The following LAPTM4B variants were observed in gnomAD, a reference collection of about 807,000 sequenced individuals.
LAPTM4B encodes lysosomal-associated transmembrane protein 4B.
LAPTM4B carries 26 observed loss-of-function variants against 28.5 expected under a neutral mutation model. That is an observed-to-expected ratio of 0.91 (90% CI 0.67 to 1.27). LAPTM4B has a LOEUF of 1.27. LAPTM4B is among the 50% of genes most tolerant of loss of function. The probability of loss-of-function intolerance (pLI) is 0.00; values close to 1 mark genes in which losing one functional copy is unlikely to be tolerated. For synonymous variants in LAPTM4B, 109 were observed against 106.4 expected (o/e 1.02, Z -0.15); for missense variants, 288 against 285.8 (o/e 1.01, Z -0.06).
intron 6 of LAPTM4B, among the ~76,000 whole-genome samples, chr8:97,844,078 G>A (rs911736961): frequency 6.7e-5 from 10 of 149,294 alleles, no homozygotes; most frequent in East Asian, 5.9e-4. Context: ...CTTATTTTGC[G>A]TGATGATTTT....
At chr8:97,795,610 TG>T (rs780396060) in intron 1 of LAPTM4B, among the ~76,000 whole-genome samples, 9 of 151,998 alleles carry the variant, frequency 5.9e-5, no homozygotes, top group Non-Finnish European at 1.2e-4. Flanking sequence ...CCCAGCATCT[TG>T]GGGGGCTGAG....
chr8:97,833,030 G>T (rs1453443800), intron 6 of LAPTM4B, among the ~76,000 whole-genome samples: 2 of 149,310 alleles, frequency 1.3e-5, no homozygotes, highest in East Asian at 4.1e-4. Flanking sequence ...TTTGTTAAAA[G>T]ATATTTACAA....
At chr8:97,841,608 G>A (rs1222884926) in intron 6 of LAPTM4B, among the ~76,000 whole-genome samples, 1 of 152,208 alleles carries the variant, frequency 6.6e-6, no homozygotes, top group Non-Finnish European at 1.5e-5. Flanking sequence ...GATTACAGGC[G>A]TGAGCCACTG....
At chr8:97,821,434 G>A (rs1218962151) in intron 5 of LAPTM4B, among the ~76,000 whole-genome samples, 5 of 152,106 alleles carry the variant, frequency 3.3e-5, no homozygotes, top group Non-Finnish European at 2.9e-5. Context: ...ACATAGAGTG[G>A]GTCCAGGGGT....
intron 1 of LAPTM4B, among the ~76,000 whole-genome samples, chr8:97,794,809 G>A (rs904961921): frequency 2.0e-5 from 3 of 152,180 alleles, no homozygotes; most frequent in African/African-American, 7.2e-5. Context: ...CACCTCCCAT[G>A]TTCAAGTGAT....
chr8:97,845,242 A>G (rs150775759), intron 6 of LAPTM4B, among the ~76,000 whole-genome samples: 3 of 151,872 alleles, frequency 2.0e-5, no homozygotes, highest in Non-Finnish European at 4.4e-5. Flanking sequence ...TTGCGAATTT[A>G]TGATATTGTT....
intron 6 of LAPTM4B, among the ~76,000 whole-genome samples, chr8:97,832,579 C>A (rs56049725): frequency 3.9e-5 from 6 of 152,230 alleles, no homozygotes; most frequent in Non-Finnish European, 8.8e-5. Flanking sequence ...TTTATCTTTT[C>A]TCTTAACATA....
chr8:97,779,391 A>T (rs866074809), intron 1 of LAPTM4B, among the ~76,000 whole-genome samples: 1 of 152,150 alleles, frequency 6.6e-6, no homozygotes, highest in Non-Finnish European at 1.5e-5. Context: ...AGACTGAGGC[A>T]GGAGAATTGC....
chr8:97,794,216 G>A (rs1563604050), intron 1 of LAPTM4B, among the ~76,000 whole-genome samples: 1 of 152,136 alleles, frequency 6.6e-6, no homozygotes, highest in Non-Finnish European at 1.5e-5. Context: ...CTGAGCTCAG[G>A]TGAACCGCCC....
intron 6 of LAPTM4B, among the ~76,000 whole-genome samples, chr8:97,850,873 A>G (rs1298668687): frequency 2.0e-5 from 3 of 150,804 alleles, no homozygotes; most frequent in Non-Finnish European, 4.4e-5. Context: ...GAAATCAGCC[A>G]GTGTATAGAC....
chr8:97,815,271 C>T (rs1320830604), intron 2 of LAPTM4B, 57 bp from the exon 3 acceptor site: 1 of 1,270,458 alleles, frequency 7.9e-7, no homozygotes, highest in African/African-American at 1.5e-5. Context: ...TGAAAGTATT[C>T]AGTGGATCCA....
At chr8:97,797,052 C>T (rs1183835837) in intron 1 of LAPTM4B, among the ~76,000 whole-genome samples, 1 of 152,094 alleles carries the variant, frequency 6.6e-6, no homozygotes, top group African/African-American at 2.4e-5. Flanking sequence ...CGCTTAAACC[C>T]AGGAGTTTGA....
intron 1 of LAPTM4B, among the ~76,000 whole-genome samples, 197 bp downstream of exon 1, chr8:97,776,305 G>C (rs1376836323): frequency 6.7e-6 from 1 of 150,156 alleles, no homozygotes; most frequent in East Asian, 1.9e-4. Context: ...AGGAGTTTGG[G>C]GCGATGGGGG....
intron 1 of LAPTM4B, among the ~76,000 whole-genome samples, chr8:97,781,594 G>C (rs1035538133): frequency 2.6e-5 from 4 of 151,958 alleles, no homozygotes; most frequent in Admixed American, 6.6e-5. Flanking sequence ...ACAGTTAAAT[G>C]TAGTTTATTG....
chr8:97,813,453 G>T (rs1390029174), intron 2 of LAPTM4B, among the ~76,000 whole-genome samples: 2 of 46,810 alleles, frequency 4.3e-5, no homozygotes, highest in Non-Finnish European at 1.1e-4. Flanking sequence ...ATTGAGGGTG[G>T]GTCTTCGTCT....
At chr8:97,778,316 T>C (rs140398641) in intron 1 of LAPTM4B, among the ~76,000 whole-genome samples, 52 of 152,172 alleles carry the variant, frequency 3.4e-4, no homozygotes, top group African/African-American at 1.2e-3. Flanking sequence ...TTCTTTCTTT[T>C]TTTTTTTTAA....
At chr8:97,819,727 C>CTTTTTTTTTTTT (rs532220760) in intron 5 of LAPTM4B, among the ~76,000 whole-genome samples, 1 of 78,580 alleles carries the variant, frequency 1.3e-5, no homozygotes, top group African/African-American at 5.2e-5. Flanking sequence ...GATAAATTTC[C>CTTTTTTTTTTTT]TTTTTTTTTT....
chr8:97,834,717 A>G (rs746446098), intron 6 of LAPTM4B, among the ~76,000 whole-genome samples: 1 of 152,008 alleles, frequency 6.6e-6, no homozygotes, highest in Non-Finnish European at 1.5e-5. Context: ...AGCTACTGAG[A>G]CCACCCTAGT....
intron 1 of LAPTM4B, among the ~76,000 whole-genome samples, chr8:97,779,195 C>T (rs951020572): frequency 3.3e-5 from 5 of 151,980 alleles, no homozygotes; most frequent in African/African-American, 1.2e-4. Context: ...TGTCTCTTAA[C>T]AGAGGCCAAG....
Sources: gnomAD v4.1 joint callset for allele counts (sites outside exome capture counted in the v4.1 genomes callset) on GRCh38, gnomAD v4.1.1 for gene constraint, MANE v1.5 for transcripts, NCBI Gene and HGNC (gene_info 2026-07-23, HGNC 2026-07-21) for gene names.